The following BCAS3 variants were observed in gnomAD, a reference collection of about 807,000 sequenced individuals.
BCAS3 encodes the protein BCAS3 microtubule associated cell migration factor.
BCAS3 carries 53 observed loss-of-function variants against 116.1 expected under a neutral mutation model. The observed-to-expected ratio is 0.46, with a 90% CI of 0.37 to 0.57. The LOEUF (loss-of-function observed/expected upper bound fraction) is 0.57. BCAS3 is among the 20% of genes least tolerant of loss of function. The pLI is 0.00. For missense variants in BCAS3, 917 were observed against 1,165.4 expected, an observed-to-expected ratio of 0.79 and a Z score of 3.10; for synonymous variants, 391 against 408.2, an observed-to-expected ratio of 0.96 and a Z score of 0.51.
chr17:60,996,193 T>C (rs1007191545), intron 15 of BCAS3, among the ~76,000 whole-genome samples: 1 of 152,146 alleles, frequency 6.6e-6, no homozygotes, highest in Non-Finnish European at 1.5e-5. Flanking sequence ...AGTGACATGA[T>C]AATACTGTGT....
intron 15 of BCAS3, among the ~76,000 whole-genome samples, chr17:61,009,195 T>C (rs1435479404): frequency 6.6e-6 from 1 of 152,064 alleles, no homozygotes; most frequent in East Asian, 1.9e-4. Flanking sequence ...ATAACACTGC[T>C]CTTTCACAGG....
intron 7 of BCAS3, among the ~76,000 whole-genome samples, chr17:60,845,636 T>G (rs1268067680): frequency 6.6e-6 from 1 of 152,196 alleles, no homozygotes; most frequent in African/African-American, 2.4e-5. Flanking sequence ...ATACTATTAT[T>G]GGCTTAAAGA....
rs1480467192 is a variant in BCAS3 at position 61,068,974 on chromosome 17, A to C, written c.2030-5946A>C. Among the ~76,000 whole-genome samples, 1 of 152,204 alleles carries C rather than the reference A, an allele frequency of 6.6e-6. No homozygotes were observed. Among genetic ancestry groups the C allele is most frequent in the Non-Finnish European group, 1.5e-5 (1 of 68,038 alleles). Reference sequence around the variant, plus strand: ...AAATTTTTTAATATAAATAAATGCAAGTGGTGAAATAAAATGGATAGACTT... The same window carrying C: ...AAATTTTTTAATATAAATAAATGCACGTGGTGAAATAAAATGGATAGACTT... On this transcript the variant is annotated intron_variant, in intron 19 of 23. Transcript: ENST00000407086. This position sits in a 1 kb window ranked among gnomAD's most constrained non-coding sequence, Gnocchi z 4.3.
chr17:60,744,245 T>G (rs1437734002), intron 5 of BCAS3, among the ~76,000 whole-genome samples: 2 of 152,214 alleles, frequency 1.3e-5, no homozygotes, highest in South Asian at 2.1e-4. Context: ...CAGTTTAGTA[T>G]ACTTCTTTTC....
intron 5 of BCAS3, among the ~76,000 whole-genome samples, chr17:60,732,413 G>T (rs552504754): frequency 6.6e-6 from 1 of 152,188 alleles, no homozygotes; most frequent in Non-Finnish European, 1.5e-5. Context: ...GGAGGGTGGA[G>T]ACTGGCTTGA....
At chr17:60,940,817 A>G (rs1254128314) in intron 13 of BCAS3, among the ~76,000 whole-genome samples, 4 of 152,292 alleles carry the variant, frequency 2.6e-5, no homozygotes, top group African/African-American at 9.6e-5. Context: ...TTTGTCTTCT[A>G]GTTCACATGT....
rs540419840 is a variant in BCAS3 at position 61,301,562 on chromosome 17, G to A, written c.2426-66765G>A. ...TGGGTCAGGAGAATCGCTTGAACCC[G>A]GGAGGTGGAGGTTGCAATGAGCCGA... On this transcript the variant is annotated intron_variant, in intron 22 of 23. Transcript: ENST00000407086. Among the ~76,000 whole-genome samples the A allele has an allele frequency of 9.7e-4, 147 of 152,250 alleles. 2 individuals carry two copies. Among genetic ancestry groups the A allele is most frequent in the East Asian group, 7.8e-3 (40 of 5,160 alleles).
chr17:60,679,681 C>A, intron 2 of BCAS3, 141 bp downstream of exon 2: 3 of 696,814 alleles, frequency 4.3e-6, no homozygotes, highest in Non-Finnish European at 7.4e-6. Flanking sequence ...TAATAATTGC[C>A]AAGACCAAAT....
chr17:60,779,342 T>A (rs2045583821), intron 6 of BCAS3, among the ~76,000 whole-genome samples: 1 of 151,900 alleles, frequency 6.6e-6, no homozygotes, highest in Non-Finnish European at 1.5e-5. Flanking sequence ...ATGTGTAAGG[T>A]GCATATGAAA....
intron 22 of BCAS3, among the ~76,000 whole-genome samples, chr17:61,155,299 C>A (rs1211260572): frequency 6.6e-6 from 1 of 152,012 alleles, no homozygotes; most frequent in Non-Finnish European, 1.5e-5. Flanking sequence ...AACGAAAACA[C>A]TGTATTTATA....
At chr17:60,860,555 G>A (rs1193754352) in intron 7 of BCAS3, among the ~76,000 whole-genome samples, 1 of 152,138 alleles carries the variant, frequency 6.6e-6, no homozygotes, top group East Asian at 1.9e-4. Flanking sequence ...CTTTGCCAGG[G>A]CATGTGTCCA....
chr17:61,193,757 CAAAAAAAAAAAAAAAA>C (rs59810014), intron 22 of BCAS3, among the ~76,000 whole-genome samples: 6 of 52,314 alleles, frequency 1.1e-4, no homozygotes, highest in Non-Finnish European at 1.9e-4. Context: ...AACTCCATCT[CAAAAAAAAAAAAAAAA>C]AAAAAAAAAA....
intron 13 of BCAS3, among the ~76,000 whole-genome samples, chr17:60,925,518 A>G (rs73991342): frequency 1.3e-5 from 2 of 152,200 alleles, no homozygotes; most frequent in Admixed American, 6.5e-5. Context: ...TCATTTTGAC[A>G]TTATTTCTGA....
chr17:60,810,837 A>C, intron 7 of BCAS3: 1 of 697,886 alleles, frequency 1.4e-6, no homozygotes, highest in African/African-American at 1.7e-5. Context: ...TAAAAGTCCT[A>C]CAAGCCCAGA....
In BCAS3 at chr17:61,045,823, T is replaced by TTCTCTCTC. The variant is rs1182475386; in HGVS notation, c.2029+4951_2029+4958dup. On this transcript the variant is annotated intron_variant, in intron 19 of 23. Transcript: ENST00000407086. ...AGAGTGAGTGAGACTTCATCTCTCT[T>TTCTCTCTC]TCTCTCTCTCTCTCTCTCTCTCTCT... Among the ~76,000 whole-genome samples, 111 of 34,622 alleles carry TTCTCTCTC rather than the reference T, an allele frequency of 3.2e-3. 11 individuals carry two copies. Among genetic ancestry groups the TTCTCTCTC allele is most frequent in the African/African-American group, 0.023 (90 of 3,854 alleles). The allele number at this position is 34,622 out of a possible 152,430, so 22.7% of individuals were successfully genotyped here.
At position 61,324,402 on chromosome 17, in the gene BCAS3, G is replaced by T. The variant is rs1355687136; in HGVS notation, c.2426-43925G>T. On this transcript the variant is annotated intron_variant, in intron 22 of 23. Transcript: ENST00000407086. This position sits in a 1 kb window ranked among gnomAD's most constrained non-coding sequence, Gnocchi z 4.6. ...CAAGGCTGATCACTGTCAGGGCAGG[G>T]CAGGGAGAGGCTGCCCCGAGTATGT... is the stretch of plus-strand genomic sequence containing the variant. Among the ~76,000 whole-genome samples the T allele has an allele frequency of 6.6e-6, 1 of 152,214 alleles. No homozygotes were observed. Among genetic ancestry groups the T allele is most frequent in the Non-Finnish European group, 1.5e-5 (1 of 68,042 alleles).
intron 5 of BCAS3, among the ~76,000 whole-genome samples, chr17:60,723,711 CTTTTTTTTTTTTT>C (rs549083159): frequency 2.3e-5 from 2 of 88,872 alleles, no homozygotes; most frequent in Admixed American, 3.1e-4. Context: ...CACTTTCTTT[CTTTTTTTTTTTTT>C]TTTTTTTTTT....
rs1047213830 is a variant in BCAS3, at chr17:60,746,582, G to GTA, written c.322-605_322-604dup. On this transcript the variant is annotated intron_variant, in intron 5 of 23. Coordinates refer to ENST00000407086, the MANE Select transcript of BCAS3 (RefSeq NM_017679.5). ...ATAAAAATGATGACTTTTAAAAGTT[G>GTA]TATATATATATAGAATTTTTTGTTC... Among the ~76,000 whole-genome samples the GTA allele has an allele frequency of 5.9e-5, 9 of 151,708 alleles. 1 individual carries two copies. The highest frequency in any genetic ancestry group is 1.2e-4 in the Non-Finnish European group (8 of 67,922).
At position 61,048,523 on chromosome 17, in the gene BCAS3, C is replaced by T. The variant is rs575733887; in HGVS notation, c.2029+7631C>T. Among the ~76,000 whole-genome samples the T allele has an allele frequency of 5.9e-5, 9 of 152,050 alleles. 1 individual carries two copies. The East Asian group carries it at 9.7e-4, about 16-fold the overall frequency. On this transcript the variant is annotated intron_variant, in intron 19 of 23. Transcript: ENST00000407086. ...AGTAAGACCAAAGAAGAGCGGGTGT[C>T]GGCAAATTACCATGTGCTTTTATTG...
Sources: gnomAD v4.1 joint callset for allele counts (sites outside exome capture counted in the v4.1 genomes callset) on GRCh38, gnomAD v4.1.1 for gene constraint, Gnocchi (gnomAD v3.1) non-coding constraint, MANE v1.5 for transcripts, NCBI Gene and HGNC (gene_info 2026-07-23, HGNC 2026-07-21) for gene names.